Variants in ENTPD1 observed in about 807,000 individuals in gnomAD.
The protein encoded by ENTPD1 is ATP diphosphohydrolase.
A neutral mutation model predicts 57.0 loss-of-function variants in ENTPD1; 33 were observed. The observed-to-expected ratio is 0.58, with a 90% CI of 0.44 to 0.77. ENTPD1 has a LOEUF of 0.77. Among genes scored for constraint, ENTPD1 ranks in the 30% least tolerant of loss-of-function variants. ENTPD1 has a pLI of 0.00. For synonymous variants in ENTPD1, 202 were observed against 218.8 expected (o/e 0.92, Z 0.68); for missense variants, 501 against 603.4 (o/e 0.83, Z 1.78).
upstream of ENTPD1, among the ~76,000 whole-genome samples, chr10:95,710,594 G>A (rs1427808977): frequency 6.6e-6 from 1 of 152,148 alleles, no homozygotes; most frequent in Admixed American, 6.6e-5. Context: ...TGAATACATT[G>A]TAGAGGAAAG....
At chr10:95,859,549 A>G (rs1265570197) in intron 7 of ENTPD1, among the ~76,000 whole-genome samples, 1 of 152,214 alleles carries the variant, frequency 6.6e-6, no homozygotes, top group East Asian at 1.9e-4. Context: ...TGAACAAATG[A>G]TGTGCTCCTT....
chr10:95,851,650 A>G (rs568260758), intron 7 of ENTPD1, among the ~76,000 whole-genome samples: 154 of 140,750 alleles, frequency 1.1e-3, no homozygotes, highest in African/African-American at 3.9e-3. Flanking sequence ...TCATTGTTCA[A>G]TTCCCACCTA....
At chr10:95,810,435 T>C (rs1245307555) in intron 1 of ENTPD1, among the ~76,000 whole-genome samples, 2 of 118,118 alleles carry the variant, frequency 1.7e-5, no homozygotes, top group East Asian at 2.9e-4. Flanking sequence ...CGCTCCTCAC[T>C]TCCCGGATAG....
intron 1 of ENTPD1, among the ~76,000 whole-genome samples, chr10:95,798,066 G>C (rs1211886828): frequency 6.6e-6 from 1 of 152,204 alleles, no homozygotes; most frequent in Non-Finnish European, 1.5e-5. Flanking sequence ...TGGTGTAAAA[G>C]AGAAGCTGGC....
chr10:95,742,700 T>C (rs1292100554), intron 1 of ENTPD1, among the ~76,000 whole-genome samples: 1 of 152,204 alleles, frequency 6.6e-6, no homozygotes, highest in Non-Finnish European at 1.5e-5. Context: ...ATACAATGAA[T>C]TCTGTTTGAA....
chr10:95,722,748 G>A (rs979936495), intron 1 of ENTPD1, among the ~76,000 whole-genome samples: 8 of 152,192 alleles, frequency 5.3e-5, no homozygotes, highest in Non-Finnish European at 1.2e-4. Flanking sequence ...CCTGAAGGGA[G>A]TTCCTCCTAG....
At chr10:95,767,203 C>T (rs2098092410) in intron 1 of ENTPD1, among the ~76,000 whole-genome samples, 2 of 150,046 alleles carry the variant, frequency 1.3e-5, no homozygotes, top group Admixed American at 1.3e-4. Context: ...ATAGTCCCAG[C>T]TACTCGGGAG....
intron 7 of ENTPD1, among the ~76,000 whole-genome samples, chr10:95,855,215 C>T (rs2140934167): frequency 6.6e-6 from 1 of 151,970 alleles, no homozygotes; most frequent in East Asian, 1.9e-4. Flanking sequence ...CTCTTTTGAT[C>T]TTTGTTGGTT....
chr10:95,788,854 AAC>A (rs1182759893), intron 1 of ENTPD1, among the ~76,000 whole-genome samples: 1 of 152,200 alleles, frequency 6.6e-6, no homozygotes, highest in African/African-American at 2.4e-5. Flanking sequence ...TTATAAAATA[AAC>A]AGTTTTCCCC....
chr10:95,760,689 C>T (rs2098054429), intron 1 of ENTPD1, among the ~76,000 whole-genome samples: 1 of 151,934 alleles, frequency 6.6e-6, no homozygotes, highest in African/African-American at 2.4e-5. Flanking sequence ...TTTCTCCGCT[C>T]TTTATAACTG....
At chr10:95,732,624 C>A (rs1034733192) in intron 1 of ENTPD1, among the ~76,000 whole-genome samples, 3 of 152,098 alleles carry the variant, frequency 2.0e-5, no homozygotes, top group Admixed American at 2.0e-4. Context: ...GGAACCCGCC[C>A]CCAATAATTC....
intron 1 of ENTPD1, among the ~76,000 whole-genome samples, chr10:95,736,832 A>G (rs1202968081): frequency 1.3e-5 from 2 of 152,206 alleles, no homozygotes; most frequent in African/African-American, 4.8e-5. Flanking sequence ...TATAAACTTC[A>G]GCTCTTGACC....
intron 1 of ENTPD1, among the ~76,000 whole-genome samples, chr10:95,728,303 A>G (rs765555995): frequency 8.8e-6 from 1 of 113,146 alleles, no homozygotes; most frequent in Admixed American, 1.0e-4. Flanking sequence ...TTTTTATAAT[A>G]AAGTAAGCTA....
chr10:95,728,179 G>C (rs2097985619), intron 1 of ENTPD1, among the ~76,000 whole-genome samples: 1 of 152,152 alleles, frequency 6.6e-6, no homozygotes, highest in Non-Finnish European at 1.5e-5. Context: ...GCATGTAACT[G>C]TTGCCTTCCC....
At chr10:95,777,100 G>A (rs1224093063) in intron 1 of ENTPD1, among the ~76,000 whole-genome samples, 1 of 152,190 alleles carries the variant, frequency 6.6e-6, no homozygotes, top group Non-Finnish European at 1.5e-5. Flanking sequence ...GGAGGAATTT[G>A]TCATTACCAA....
chr10:95,824,909 T>A (rs1328539567), intron 2 of ENTPD1, among the ~76,000 whole-genome samples: 2 of 152,252 alleles, frequency 1.3e-5, no homozygotes, highest in Non-Finnish European at 2.9e-5. Context: ...TGAATCTTTT[T>A]AATAACATCA....
intron 1 of ENTPD1, among the ~76,000 whole-genome samples, chr10:95,798,989 C>T (rs2098237592): frequency 6.6e-6 from 1 of 152,178 alleles, no homozygotes; most frequent in South Asian, 2.1e-4. Context: ...GTGGTCTTCA[C>T]GTTGCTTCTG....
Position 95,876,283 on chromosome 10 carries a change from T to A in ENTPD1, c.*9900T>A. The A allele has an allele frequency of 1.0e-6, 1 of 981,116 alleles. No individual in the cohort carries two copies. Among genetic ancestry groups the A allele is most frequent in the South Asian group, 4.7e-5 (1 of 21,198 alleles). The allele number at this position is 981,116 out of a possible 1,614,324, so 60.8% of individuals were successfully genotyped here. On this transcript the variant is annotated 3_prime_UTR_variant, in exon 10 of 10. Coordinates refer to ENST00000371205, the MANE Select transcript of ENTPD1 (RefSeq NM_001776.6). Reference sequence around the variant, plus strand: ...CACAAGTTGATTTTGACATCCAACTTATTAATTATGAAATGACTTTTGGCC... The same window carrying A: ...CACAAGTTGATTTTGACATCCAACTAATTAATTATGAAATGACTTTTGGCC...
intron 2 of ENTPD1, among the ~76,000 whole-genome samples, chr10:95,834,690 C>G (rs1258005366): frequency 1.3e-5 from 2 of 152,010 alleles, no homozygotes; most frequent in Non-Finnish European, 2.9e-5. Flanking sequence ...AGATATCTGC[C>G]CCATATCTAT....
Sources: allele counts gnomAD v4.1 joint callset (sites outside exome capture counted in the v4.1 genomes callset), GRCh38; gene constraint gnomAD v4.1.1; transcripts MANE v1.5; gene names NCBI Gene and HGNC (gene_info 2026-07-23, HGNC 2026-07-21).